Variants in COLEC10 observed in about 807,000 individuals in gnomAD.
The protein encoded by COLEC10 is collectin-10.
A neutral mutation model predicts 28.4 loss-of-function variants in COLEC10; 22 were observed. The observed-to-expected ratio is 0.78, with a 90% CI of 0.55 to 1.11. The LOEUF (loss-of-function observed/expected upper bound fraction) is 1.11, where lower values mean the gene tolerates loss of function less well. COLEC10 is among the 50% of genes least tolerant of loss of function. COLEC10 has a pLI of 0.00. For synonymous variants in COLEC10, 125 were observed against 116.1 expected (o/e 1.08, Z -0.49); for missense variants, 361 against 344.1 (o/e 1.05, Z -0.39).
At chr8:119,102,471 T>C in intron 4 of COLEC10, 70 bp downstream of exon 4, 6 of 1,283,140 alleles carry the variant, frequency 4.7e-6, no homozygotes, top group African/African-American at 1.5e-5. Context: ...AAAATAAATA[T>C]ATTTCAAATG....
At chr8:119,049,489 A>G (rs1275747528) in intron 2 of COLEC10, among the ~76,000 whole-genome samples, 1 of 127,668 alleles carries the variant, frequency 7.8e-6, no homozygotes, top group Non-Finnish European at 1.5e-5. Flanking sequence ...ATCTGGGCTC[A>G]CTGCAGGCTT....
intron 2 of COLEC10, among the ~76,000 whole-genome samples, chr8:119,057,144 G>T (rs146766838): frequency 1.3e-5 from 2 of 151,992 alleles, no homozygotes; most frequent in African/African-American, 4.8e-5. Flanking sequence ...CATGAGGGCG[G>T]TTTCCTCCAT....
chr8:119,054,988 G>A (rs1814737902), intron 2 of COLEC10, among the ~76,000 whole-genome samples: 1 of 151,986 alleles, frequency 6.6e-6, no homozygotes, highest in Non-Finnish European at 1.5e-5. Flanking sequence ...TATGATGTAA[G>A]CGACCCAAAT....
chr8:119,037,892 G>T (rs1455210214), intron 2 of COLEC10, among the ~76,000 whole-genome samples: 1 of 152,116 alleles, frequency 6.6e-6, no homozygotes, highest in African/African-American at 2.4e-5. Context: ...TTTCTTGAAT[G>T]ATTATATTAA....
chr8:118,963,375 C>A, the COLEC10 span, among the ~76,000 whole-genome samples: 2 of 152,174 alleles, frequency 1.3e-5, no homozygotes, highest in African/African-American at 4.8e-5. Flanking sequence ...AAACTTGGTT[C>A]TTGATTAATA....
intron 2 of COLEC10, among the ~76,000 whole-genome samples, chr8:119,044,907 G>T (rs891068035): frequency 2.0e-5 from 3 of 151,382 alleles, no homozygotes; most frequent in African/African-American, 7.3e-5. Flanking sequence ...AGCAAAGTGT[G>T]TCTTAAGGCG....
the COLEC10 span, among the ~76,000 whole-genome samples, chr8:118,978,006 A>T: frequency 6.6e-6 from 1 of 151,928 alleles, no homozygotes; most frequent in Non-Finnish European, 1.5e-5. Context: ...TACTTAATAG[A>T]AAGACGTAAG....
chr8:119,036,949 ATGT>A (rs1052149864), intron 2 of COLEC10, among the ~76,000 whole-genome samples: 2 of 152,164 alleles, frequency 1.3e-5, no homozygotes, highest in Admixed American at 1.3e-4. Flanking sequence ...TCAGACATCA[ATGT>A]TGTTGGGGCT....
chr8:119,052,920 C>T (rs1170814390), intron 2 of COLEC10, among the ~76,000 whole-genome samples: 1 of 151,828 alleles, frequency 6.6e-6, no homozygotes, highest in Admixed American at 6.6e-5. Context: ...CAAAGAGAGC[C>T]GGAGAGGAAG....
chr8:119,066,343 G>A (rs1201652999), upstream of COLEC10, among the ~76,000 whole-genome samples: 1 of 152,152 alleles, frequency 6.6e-6, no homozygotes, highest in Non-Finnish European at 1.5e-5. Flanking sequence ...GGAATAGATA[G>A]AGATCCTGAT....
chr8:119,037,035 A>C (rs1328534086), intron 2 of COLEC10, among the ~76,000 whole-genome samples: 1 of 152,144 alleles, frequency 6.6e-6, no homozygotes, highest in Non-Finnish European at 1.5e-5. Flanking sequence ...CAGCTTCCCA[A>C]GGCAAAGAGG....
chr8:119,081,436 T>TAA, intron 1 of COLEC10, among the ~76,000 whole-genome samples: 1 of 152,338 alleles, frequency 6.6e-6, no homozygotes, highest in South Asian at 2.1e-4. Flanking sequence ...TATGCCTTAG[T>TAA]GTTTTTCTCC....
chr8:118,989,567 A>T, the COLEC10 span, among the ~76,000 whole-genome samples: 1 of 147,616 alleles, frequency 6.8e-6, no homozygotes, highest in Non-Finnish European at 1.5e-5. Flanking sequence ...ACACACACAC[A>T]CACACACACA....
chr8:119,026,623 G>T (rs961224905), intron 2 of COLEC10, among the ~76,000 whole-genome samples: 5 of 152,146 alleles, frequency 3.3e-5, no homozygotes, highest in African/African-American at 1.2e-4. Context: ...TTAAGGATGG[G>T]ATTCTCAGAG....
At chr8:118,972,235 C>G in the COLEC10 span, among the ~76,000 whole-genome samples, 1 of 151,936 alleles carries the variant, frequency 6.6e-6, no homozygotes, top group African/African-American at 2.4e-5. Flanking sequence ...TTCATTTCCA[C>G]CAGCCCAGGT....
At chr8:119,028,168 G>C (rs1042067376) in intron 2 of COLEC10, among the ~76,000 whole-genome samples, 5 of 152,020 alleles carry the variant, frequency 3.3e-5, no homozygotes, top group African/African-American at 1.2e-4. Flanking sequence ...ATACATCTTT[G>C]TTTCTTGGCA....
chr8:119,040,773 G>C (rs1814480430), intron 2 of COLEC10, among the ~76,000 whole-genome samples: 1 of 152,182 alleles, frequency 6.6e-6, no homozygotes, highest in Non-Finnish European at 1.5e-5. Context: ...TCAACAGAAG[G>C]GAAGGATCAG....
At chr8:118,999,458 G>A (rs914097083) in intron 1 of COLEC10, among the ~76,000 whole-genome samples, 6 of 152,152 alleles carry the variant, frequency 3.9e-5, no homozygotes, top group Non-Finnish European at 5.9e-5. Flanking sequence ...AGGCATGGTC[G>A]TGGGTGCCTG....
the COLEC10 span, chr8:118,982,516 G>A: frequency 1.3e-4 from 20 of 159,844 alleles, no homozygotes; most frequent in Admixed American, 1.2e-3. Context: ...ACATCTAATG[G>A]CCCTCAGAAG....
Sources: allele counts gnomAD v4.1 joint callset (sites outside exome capture counted in the v4.1 genomes callset), GRCh38; gene constraint gnomAD v4.1.1; transcripts MANE v1.5; gene names NCBI Gene and HGNC (gene_info 2026-07-23, HGNC 2026-07-21).